Variants in BRINP3 observed in about 807,000 individuals in gnomAD.
BRINP3 encodes the protein BMP/retinoic acid inducible neural specific 3, also known as BMP/retinoic acid-inducible neural-specific protein 3.
A neutral mutation model predicts 71.0 loss-of-function variants in BRINP3; 19 were observed. The observed-to-expected ratio is 0.27, with a 90% confidence interval of 0.19 to 0.39. The LOEUF (loss-of-function observed/expected upper bound fraction) is 0.39, where lower values mean the gene tolerates loss of function less well. Ranked by LOEUF, BRINP3 falls within the 10% of genes least tolerant of loss-of-function variation. The pLI is 1.00. For missense variants in BRINP3, 959 were observed against 940.8 expected (o/e 1.02, Z -0.25); for synonymous variants, 380 against 337.7 (o/e 1.13, Z -1.37).
chr1:190,111,775 C>T (rs1008846183), intron 7 of BRINP3, among the ~76,000 whole-genome samples: 1 of 152,086 alleles, frequency 6.6e-6, no homozygotes, highest in African/African-American at 2.4e-5. Context: ...GAGGGTGAAT[C>T]ATAATTGGCC....
chr1:190,105,182 A>G (rs1320115580), intron 7 of BRINP3, among the ~76,000 whole-genome samples: 1 of 151,972 alleles, frequency 6.6e-6, no homozygotes, highest in Admixed American at 6.6e-5. Flanking sequence ...GCTGATGTTG[A>G]CACTCCTGAC....
intron 2 of BRINP3, among the ~76,000 whole-genome samples, chr1:190,389,256 A>G (rs1246439187): frequency 6.6e-6 from 1 of 151,430 alleles, no homozygotes; most frequent in Non-Finnish European, 1.5e-5. Flanking sequence ...ACATCCTGTG[A>G]TCTCTTTCCC....
intron 7 of BRINP3, among the ~76,000 whole-genome samples, chr1:190,126,580 G>A (rs973265911): frequency 6.6e-6 from 1 of 151,996 alleles, no homozygotes; most frequent in African/African-American, 2.4e-5. Flanking sequence ...GTTCACTGAC[G>A]ATGCTCAGTG....
chr1:190,354,345 C>T lies in BRINP3; in HGVS notation c.237-72595G>A, dbSNP rs190822917. The stretch of plus-strand genomic sequence containing the variant: ...ACTCTTCTAAACAAACTACGATGCA[C>T]GGACAGCCCCACTACAAAGAATTAT... On this transcript the variant is annotated intron_variant, in intron 2 of 7. Coordinates refer to ENST00000367462, the MANE Select transcript of BRINP3 (RefSeq NM_199051.3). Among the ~76,000 whole-genome samples, 23 of 151,924 alleles carry T rather than the reference C, an allele frequency of 1.5e-4. No homozygotes were observed. The East Asian group carries it at 3.7e-3, about 24-fold the overall frequency.
chr1:190,213,251 T>C (rs1656134963), intron 6 of BRINP3, among the ~76,000 whole-genome samples: 1 of 152,040 alleles, frequency 6.6e-6, no homozygotes, highest in Admixed American at 6.6e-5. Flanking sequence ...TAGTGACACA[T>C]AGCTCCAGAT....
At position 190,160,653 on chromosome 1, in the gene BRINP3, C is replaced by T; in HGVS notation, c.1184+15G>A. On this transcript the variant is annotated intron_variant, in intron 7 of 7. Coordinates refer to ENST00000367462, the MANE Select transcript of BRINP3 (RefSeq NM_199051.3). ...GCAATAAACTTAATTGCTTACATTACCACAAATGTCTTACCTTTGTCTTGG... is the reference window on the plus strand; with the variant it reads ...GCAATAAACTTAATTGCTTACATTATCACAAATGTCTTACCTTTGTCTTGG... The T allele has an allele frequency of 6.2e-7, 1 of 1,602,442 alleles. No individual in the cohort carries two copies. Among genetic ancestry groups the T allele is most frequent in the Non-Finnish European group, 8.5e-7 (1 of 1,173,884 alleles).
intron 2 of BRINP3, among the ~76,000 whole-genome samples, chr1:190,360,532 TTC>T (rs1669073318): frequency 6.6e-6 from 1 of 152,194 alleles, no homozygotes; most frequent in African/African-American, 2.4e-5. Flanking sequence ...TACATATGAA[TTC>T]TTTCATTAAC....
intron 2 of BRINP3, among the ~76,000 whole-genome samples, chr1:190,299,104 C>T (rs1024204298): frequency 2.6e-5 from 4 of 152,074 alleles, no homozygotes; most frequent in African/African-American, 9.7e-5. Context: ...TTACCTTATA[C>T]TAATATAGTC....
chr1:190,184,355 A>T (rs1185394894), intron 6 of BRINP3, among the ~76,000 whole-genome samples: 2 of 152,176 alleles, frequency 1.3e-5, no homozygotes. Flanking sequence ...CAGAGCTACC[A>T]TTCCACCCAG....
intron 2 of BRINP3, among the ~76,000 whole-genome samples, chr1:190,417,090 G>C (rs560143546): frequency 6.6e-6 from 1 of 152,220 alleles, no homozygotes; most frequent in South Asian, 2.1e-4. Flanking sequence ...CCTCAGAATT[G>C]TGTAGAATGC....
chr1:190,301,888 T>G (rs1245328445), intron 2 of BRINP3, among the ~76,000 whole-genome samples: 1 of 151,994 alleles, frequency 6.6e-6, no homozygotes, highest in Non-Finnish European at 1.5e-5. Context: ...AAAACATTTT[T>G]TCAGCAAATA....
intron 3 of BRINP3, among the ~76,000 whole-genome samples, chr1:190,276,066 C>T (rs1662527159): frequency 6.6e-6 from 1 of 151,232 alleles, no homozygotes; most frequent in Non-Finnish European, 1.5e-5. Context: ...TACAGCAGTC[C>T]TTTTCTCCCT....
chr1:190,310,142 T>C lies in BRINP3; in HGVS notation c.237-28392A>G, dbSNP rs530291310. Among the ~76,000 whole-genome samples, 7 of 151,074 alleles carry C rather than the reference T, an allele frequency of 4.6e-5. No homozygotes were observed. The East Asian group carries it at 1.4e-3, about 30-fold the overall frequency. On this transcript the variant is annotated intron_variant, in intron 2 of 7. Coordinates refer to ENST00000367462, the MANE Select transcript of BRINP3 (RefSeq NM_199051.3). ...TAAGTGCAGTTCTAACAAACTAAAC[T>C]GATGTTTCCCCTTTCAAATAACACC...
chr1:190,334,691 A>G (rs2103090483), intron 2 of BRINP3, among the ~76,000 whole-genome samples: 1 of 151,962 alleles, frequency 6.6e-6, no homozygotes, highest in South Asian at 2.1e-4. Context: ...CTGGGTGTTT[A>G]AATGGCATGT....
intron 6 of BRINP3, among the ~76,000 whole-genome samples, chr1:190,218,833 C>T (rs1287031173): frequency 6.6e-6 from 1 of 152,044 alleles, no homozygotes; most frequent in African/African-American, 2.4e-5. Context: ...AGGGAGCCTA[C>T]ATTTACTAAC....
At chr1:190,277,598 C>T (rs541006943) in intron 3 of BRINP3, among the ~76,000 whole-genome samples, 74 of 151,670 alleles carry the variant, frequency 4.9e-4, no homozygotes, top group African/African-American at 1.8e-3. Context: ...TCTCTTTCTC[C>T]CCCTAATTAA....
At chr1:190,312,036 A>AAT (rs1180367434) in intron 2 of BRINP3, among the ~76,000 whole-genome samples, 11,292 of 67,858 alleles carry the variant, frequency 0.17, 962 homozygotes, top group Non-Finnish European at 0.19. Flanking sequence ...TGAAAAGTCA[A>AAT]ATATATATAT....
intron 2 of BRINP3, among the ~76,000 whole-genome samples, chr1:190,298,669 T>A (rs1446223638): frequency 6.6e-6 from 1 of 152,146 alleles, no homozygotes; most frequent in East Asian, 1.9e-4. Context: ...CTTGTATGCT[T>A]GAATTATGGT....
intron 2 of BRINP3, among the ~76,000 whole-genome samples, chr1:190,347,777 T>C (rs988254387): frequency 6.6e-6 from 1 of 152,150 alleles, no homozygotes; most frequent in African/African-American, 2.4e-5. Flanking sequence ...GATGACCAGA[T>C]GCTTGGAATA....
Sources: gnomAD v4.1 joint callset for allele counts (sites outside exome capture counted in the v4.1 genomes callset) on GRCh38, gnomAD v4.1.1 for gene constraint, MANE v1.5 for transcripts, NCBI Gene and HGNC (gene_info 2026-07-23, HGNC 2026-07-21) for gene names.